The following SLC16A10 variants were observed in gnomAD, a reference collection of about 807,000 sequenced individuals.
The protein encoded by SLC16A10 is monocarboxylate transporter 10.
SLC16A10 carries 27 observed loss-of-function variants against 40.0 expected under a neutral mutation model. That is an observed-to-expected ratio of 0.67 (90% CI 0.50 to 0.93). SLC16A10 has a LOEUF of 0.93. SLC16A10 is among the 40% of genes least tolerant of loss of function. The pLI is 0.00. For missense variants in SLC16A10, 529 were observed against 658.2 expected (o/e 0.80, Z 2.15); for synonymous variants, 213 against 249.8 (o/e 0.85, Z 1.39).
Position 111,114,355 on chromosome 6 carries a change from C to T in SLC16A10, c.343+26260C>T, listed in dbSNP as rs570287966. 1.5e-4 allele frequency among the ~76,000 whole-genome samples: 23 copies of T among 152,238 alleles called. 1 individual carries two copies. Among genetic ancestry groups the T allele is most frequent in the African/African-American group, 5.3e-4 (22 of 41,536 alleles). ...ATGTGATGCCATTTCCTTAAAAAGT[C>T]ATGTAAAGCAATCCTACCACATCTC... is the stretch of plus-strand genomic sequence containing the variant. On this transcript the variant is annotated intron_variant, in intron 1 of 5. Coordinates refer to ENST00000368851, the MANE Select transcript of SLC16A10 (RefSeq NM_018593.5).
At chr6:111,200,488 G>T (rs931245703) in intron 3 of SLC16A10, among the ~76,000 whole-genome samples, 4 of 152,102 alleles carry the variant, frequency 2.6e-5, no homozygotes, top group South Asian at 2.1e-4. Context: ...TTGCTGGTGT[G>T]CAGTGCTCAT....
intron 1 of SLC16A10, among the ~76,000 whole-genome samples, chr6:111,096,209 A>G (rs566691121): frequency 1.3e-5 from 2 of 152,312 alleles, no homozygotes; most frequent in South Asian, 4.1e-4. Flanking sequence ...TATTCTCTCA[A>G]TAGTGTCTCC....
intron 3 of SLC16A10, among the ~76,000 whole-genome samples, chr6:111,187,556 A>C (rs958506492): frequency 6.6e-5 from 10 of 152,234 alleles, no homozygotes; most frequent in African/African-American, 2.4e-4. Context: ...CACAGTTATA[A>C]AAGTAGCAGA....
At chr6:111,193,680 A>G (rs1275389172) in intron 3 of SLC16A10, among the ~76,000 whole-genome samples, 1 of 152,222 alleles carries the variant, frequency 6.6e-6, no homozygotes, top group African/African-American at 2.4e-5. Context: ...AGATAATTGA[A>G]TAGTAGTTTT....
chr6:111,108,603 A>G (rs1398370966), intron 1 of SLC16A10, among the ~76,000 whole-genome samples: 4 of 152,172 alleles, frequency 2.6e-5, no homozygotes, highest in Admixed American at 2.0e-4. Context: ...CCTTGTATAC[A>G]TTTTAATCCT....
intron 3 of SLC16A10, among the ~76,000 whole-genome samples, chr6:111,189,225 A>G (rs777100807): frequency 2.0e-5 from 3 of 152,202 alleles, no homozygotes; most frequent in Non-Finnish European, 4.4e-5. Flanking sequence ...GGTGATGGTA[A>G]GAGATGGTAA....
chr6:111,169,915 C>CTT (rs1772550938), intron 1 of SLC16A10, among the ~76,000 whole-genome samples: 2 of 45,948 alleles, frequency 4.4e-5, no homozygotes, highest in African/African-American at 9.8e-5. Flanking sequence ...CTTTTCTTTT[C>CTT]TTTCTTTTTT....
Position 111,226,677 on chromosome 6 carries a change from T to A in SLC16A10, c.*4442T>A, listed in dbSNP as rs994224631. 9.9e-5 allele frequency: 15 copies of A among 152,236 alleles called. No homozygotes were observed. Among genetic ancestry groups the A allele is most frequent in the African/African-American group, 3.6e-4 (15 of 41,456 alleles). The allele number at this position is 152,236 out of a possible 1,614,324, so 9.4% of individuals were successfully genotyped here. Reference sequence around the variant, plus strand: ...TATAATTTGAAAGGCAAGTAGTATCTTGGTGAATAAGAAATGCATCATCCA... The same window carrying A: ...TATAATTTGAAAGGCAAGTAGTATCATGGTGAATAAGAAATGCATCATCCA... On this transcript the variant is annotated 3_prime_UTR_variant, in exon 6 of 6. Coordinates refer to ENST00000368851, the MANE Select transcript of SLC16A10 (RefSeq NM_018593.5).
At chr6:111,090,753 A>C (rs893603978) in intron 1 of SLC16A10, among the ~76,000 whole-genome samples, 3 of 152,180 alleles carry the variant, frequency 2.0e-5, no homozygotes, top group African/African-American at 4.8e-5. Context: ...TCGAATGCTG[A>C]GTCGTCTGTG....
At chr6:111,121,438 G>A (rs1312769161) in intron 1 of SLC16A10, among the ~76,000 whole-genome samples, 2 of 152,290 alleles carry the variant, frequency 1.3e-5, no homozygotes, top group East Asian at 3.9e-4. Context: ...GCGTGTGCCT[G>A]TAGTACCAGC....
chr6:111,205,050 A>G (rs1409512431), intron 3 of SLC16A10, among the ~76,000 whole-genome samples: 1 of 152,144 alleles, frequency 6.6e-6, no homozygotes, highest in Non-Finnish European at 1.5e-5. Flanking sequence ...TTGAATACCA[A>G]TCTAAGGAGT....
At chr6:111,093,794 AG>A (rs1245900822) in intron 1 of SLC16A10, among the ~76,000 whole-genome samples, 1 of 152,202 alleles carries the variant, frequency 6.6e-6, no homozygotes, top group Non-Finnish European at 1.5e-5. Context: ...ACTGGAAGAG[AG>A]GTAGAAAAGC....
intron 3 of SLC16A10, among the ~76,000 whole-genome samples, chr6:111,192,422 T>G (rs959281448): frequency 2.6e-5 from 4 of 152,114 alleles, no homozygotes; most frequent in Non-Finnish European, 4.4e-5. Flanking sequence ...TCCTACATCT[T>G]CCTTTCTTCT....
chr6:111,199,676 A>C (rs1773136660), intron 3 of SLC16A10, among the ~76,000 whole-genome samples: 1 of 152,160 alleles, frequency 6.6e-6, no homozygotes, highest in Non-Finnish European at 1.5e-5. Flanking sequence ...TTAAACTTCT[A>C]AAATGCAGGG....
At chr6:111,138,770 A>C (rs1042506901) in intron 1 of SLC16A10, among the ~76,000 whole-genome samples, 1 of 151,818 alleles carries the variant, frequency 6.6e-6, no homozygotes, top group Non-Finnish European at 1.5e-5. Context: ...ACAGGCCTGC[A>C]CCACTGTGCC....
At chr6:111,199,550 A>G (rs551351595) in intron 3 of SLC16A10, among the ~76,000 whole-genome samples, 2 of 152,308 alleles carry the variant, frequency 1.3e-5, no homozygotes, top group South Asian at 4.1e-4. Context: ...AAGGAACAGA[A>G]CAATTTTTGA....
intron 1 of SLC16A10, among the ~76,000 whole-genome samples, chr6:111,114,571 T>C (rs115361112): frequency 0.012 from 1,807 of 152,290 alleles, 39 homozygotes; most frequent in African/African-American, 0.042. Flanking sequence ...TTAAATTATT[T>C]CAAAGGAAAT....
rs1203222433 is a variant in SLC16A10 at position 111,178,703 on chromosome 6, G to T, written c.942+1038G>T. The T allele has an allele frequency of 1.9e-5, 4 of 210,638 alleles. No individual in the cohort carries two copies. In the South Asian group the frequency reaches 2.0e-4, roughly 11 times the overall value. 13.0% of individuals were successfully genotyped at this position (210,638 alleles called of 1,614,324 possible). On this transcript the variant is annotated intron_variant, in intron 3 of 5. Transcript: ENST00000368851. ...ACCGTAAATGATAAAAATGGCATTG[G>T]CACACATATTTGTATGTTTGTGAAC...
intron 1 of SLC16A10, among the ~76,000 whole-genome samples, chr6:111,127,098 A>G (rs1233101020): frequency 1.3e-5 from 2 of 152,192 alleles, no homozygotes; most frequent in Admixed American, 6.5e-5. Context: ...GCCCCTTTCT[A>G]TACGCTAGTC....
Sources: allele counts gnomAD v4.1 joint callset (sites outside exome capture counted in the v4.1 genomes callset), GRCh38; gene constraint gnomAD v4.1.1; transcripts MANE v1.5; gene names NCBI Gene and HGNC (gene_info 2026-07-23, HGNC 2026-07-21).